CFH: variants seen among roughly 807,000 people sequenced by gnomAD.
CFH encodes the protein H factor 1 (complement).
Under a neutral mutation model 147.3 loss-of-function variants are expected in CFH, and 53 were observed. The ratio of observed to expected loss-of-function variants is 0.36; its 90% CI spans 0.29 to 0.45. The LOEUF is 0.45. Ranked by LOEUF, CFH falls within the 20% of genes least tolerant of loss-of-function variation. The pLI, the probability that CFH is intolerant of heterozygous loss-of-function variation, is 1.00. For missense variants in CFH, 1,380 were observed against 1,498.0 expected (o/e 0.92, Z 1.30); for synonymous variants, 536 against 489.4 (o/e 1.10, Z -1.26).
chr1:196,656,309 GA>G (rs111440999), intron 1 of CFH, among the ~76,000 whole-genome samples: 12,575 of 84,970 alleles, frequency 0.15, 1,382 homozygotes, highest in African/African-American at 0.34. Flanking sequence ...ATCTCAAAAA[GA>G]AAAAAAAAAA....
At chr1:196,705,235 C>T (rs903298387) in intron 9 of CFH, among the ~76,000 whole-genome samples, 1 of 151,514 alleles carries the variant, frequency 6.6e-6, no homozygotes, top group African/African-American at 2.4e-5. Flanking sequence ...CCAAAGTATC[C>T]AAGAAAAAAA....
chr1:196,692,762 C>CTCTTTCCCTTCCTTTCTT (rs1668091731), intron 9 of CFH, among the ~76,000 whole-genome samples: 705 of 28,680 alleles, frequency 0.025, 2 homozygotes, highest in African/African-American at 0.046. Flanking sequence ...TTCTTTCTTT[C>CTCTTTCCCTTCCTTTCTT]TTTCTTTCTT....
At chr1:196,666,680 C>T (rs907887020) in intron 1 of CFH, among the ~76,000 whole-genome samples, 57 of 150,044 alleles carry the variant, frequency 3.8e-4, no homozygotes, top group African/African-American at 1.1e-3. Flanking sequence ...GGCATGGTGG[C>T]GGGCACCTGT....
At chr1:196,689,337 T>C in intron 7 of CFH, 83 bp from the exon 8 acceptor site, 7 of 1,246,714 alleles carry the variant, frequency 5.6e-6, no homozygotes, top group Non-Finnish European at 8.0e-6. Context: ...GAGAATATAA[T>C]TCAGTGATAA....
chr1:196,715,905 C>T (rs776639054), intron 11 of CFH, 136 bp downstream of exon 11: 18 of 742,256 alleles, frequency 2.4e-5, no homozygotes, highest in Non-Finnish European at 3.4e-5. Context: ...TTGACATAAA[C>T]TGGGAAAAGA....
chr1:196,668,215 G>T (rs79196391), intron 1 of CFH, among the ~76,000 whole-genome samples: 3,393 of 152,062 alleles, frequency 0.022, 125 homozygotes, highest in African/African-American at 0.077. Context: ...TCAGCCCAGA[G>T]AACTTTTTTA....
chr1:196,667,460 A>G (rs1441527346), intron 1 of CFH, among the ~76,000 whole-genome samples: 3 of 152,188 alleles, frequency 2.0e-5, no homozygotes, highest in Admixed American at 2.0e-4. Context: ...TTATCTAATA[A>G]TACTTTCTAA....
intron 11 of CFH, among the ~76,000 whole-genome samples, chr1:196,722,477 GT>G (rs1669023333): frequency 6.6e-6 from 1 of 151,966 alleles, no homozygotes; most frequent in African/African-American, 2.4e-5. Context: ...CGAGATTTCC[GT>G]TATAGTTGAT....
At chr1:196,709,023 C>T (rs1006803493) in intron 9 of CFH, among the ~76,000 whole-genome samples, 9 of 152,212 alleles carry the variant, frequency 5.9e-5, no homozygotes, top group East Asian at 1.9e-4. Flanking sequence ...TTCTTGACAA[C>T]GGAACTACAC....
At chr1:196,725,724 G>A (rs1334631386) in intron 12 of CFH, among the ~76,000 whole-genome samples, 1 of 152,172 alleles carries the variant, frequency 6.6e-6, no homozygotes, top group African/African-American at 2.4e-5. Context: ...CATGATGAGA[G>A]AGGAAGCAAG....
chr1:196,740,055 A>G (rs1269279699), intron 17 of CFH, among the ~76,000 whole-genome samples: 1 of 152,180 alleles, frequency 6.6e-6, no homozygotes, highest in Non-Finnish European at 1.5e-5. Flanking sequence ...AGATCTCAGG[A>G]GAACTCACGC....
At chr1:196,675,627 G>A (rs1209255446) in intron 3 of CFH, among the ~76,000 whole-genome samples, 3 of 152,050 alleles carry the variant, frequency 2.0e-5, no homozygotes, top group Admixed American at 2.0e-4. Context: ...ATAATTCAAT[G>A]AAAAATAAGA....
At chr1:196,718,432 G>C (rs903859684) in intron 11 of CFH, among the ~76,000 whole-genome samples, 9 of 152,016 alleles carry the variant, frequency 5.9e-5, no homozygotes, top group Non-Finnish European at 1.0e-4. Context: ...AACAGCTGAG[G>C]CAGCGAAGAA....
intron 9 of CFH, among the ~76,000 whole-genome samples, chr1:196,697,608 G>A (rs554393690): frequency 6.6e-6 from 1 of 152,068 alleles, no homozygotes; most frequent in South Asian, 2.1e-4. Flanking sequence ...AGATCCTCAG[G>A]GATCTATAAC....
chr1:196,700,771 A>G (rs1668428112), intron 9 of CFH: 1 of 978,618 alleles, frequency 1.0e-6, no homozygotes. Context: ...AAGCTCAAGA[A>G]GCTGCTTAGT....
At chr1:196,686,365 T>G (rs1038234419) in intron 7 of CFH, among the ~76,000 whole-genome samples, 8 of 152,170 alleles carry the variant, frequency 5.3e-5, no homozygotes, top group African/African-American at 1.9e-4. Context: ...GGACTCCAAG[T>G]CTTAGTCATT....
intron 15 of CFH, among the ~76,000 whole-genome samples, chr1:196,733,439 T>C (rs1043855959): frequency 6.6e-6 from 1 of 152,112 alleles, no homozygotes; most frequent in African/African-American, 2.4e-5. Context: ...CTGTGACAGT[T>C]AAGAGTTTTA....
chr1:196,671,384 A>G (rs1667270848), intron 1 of CFH, among the ~76,000 whole-genome samples: 1 of 151,966 alleles, frequency 6.6e-6, no homozygotes, highest in African/African-American at 2.4e-5. Flanking sequence ...AAAAACATGT[A>G]ATGACAAAAG....
In CFH at chr1:196,692,719, T is replaced by TCTCTTTCCCTTC. The variant is rs1164747715; in HGVS notation, c.1336+2482_1336+2483insCTTTCCCTTCCT. ...TTCCCTTCCTTTCTTTTTCTTTCTT[T>TCTCTTTCCCTTC]CTTTCTTTCTCTTTCCCTTCCTTTC... On this transcript the variant is annotated intron_variant, in intron 9 of 21. Transcript: ENST00000367429. Among the ~76,000 whole-genome samples the TCTCTTTCCCTTC allele has an allele frequency of 4.1e-3, 577 of 140,800 alleles. 5 individuals carry two copies. The highest frequency in any genetic ancestry group is 0.011 in the Middle Eastern group (3 of 274). 92.4% of individuals were successfully genotyped at this position (140,800 alleles called of 152,430 possible). A position where few individuals can be genotyped will look rare whatever the true frequency, so the allele number is the denominator to read the frequency against.
Sources: allele counts gnomAD v4.1 joint callset (sites outside exome capture counted in the v4.1 genomes callset), GRCh38; gene constraint gnomAD v4.1.1; transcripts MANE v1.5; gene names NCBI Gene and HGNC (gene_info 2026-07-23, HGNC 2026-07-21).